DNAH1: variants seen among roughly 807,000 people sequenced by gnomAD.
DNAH1 encodes axonemal beta dynein heavy chain 1.
In DNAH1, 327 loss-of-function variants were observed where a neutral mutation model predicts 484.3. The ratio of observed to expected loss-of-function variants is 0.68; its 90% CI spans 0.62 to 0.74. The LOEUF (loss-of-function observed/expected upper bound fraction) is 0.74. Ranked by LOEUF, DNAH1 falls within the 30% of genes least tolerant of loss-of-function variation. The pLI is 0.00. For synonymous variants in DNAH1, 2,192 were observed against 2,191.9 expected (o/e 1.00, Z 0.00); for missense variants, 5,052 against 5,546.8 (o/e 0.91, Z 2.83).
chr3:52,388,922 C>T lies in DNAH1; in HGVS notation c.9480C>T (p.Tyr3160=), dbSNP rs1704243604. 1 of 1,604,026 alleles carries T rather than the reference C, an allele frequency of 6.2e-7. No homozygotes were observed. The highest frequency in any genetic ancestry group is 1.1e-5 in the South Asian group (1 of 90,358). The change falls in exon 59 of 78, where the codon TAC becomes TAT. Residue 3160 remains tyrosine (Y), a synonymous_variant. Coordinates refer to ENST00000420323, the MANE Select transcript of DNAH1 (RefSeq NM_015512.5). ...TGGTGGCCGCTGGCTTTGTGGCCTA[C>T]CTGGGCCCCTTCACGGTAAGAAGTC... ...DVLVAAGFVA[Y]LGPFTGQYRT... is the part of the protein sequence containing the mutation.
Position 52,384,841 on chromosome 3 carries a change from TG to T in DNAH1, c.8380del (p.Ala2794GlnfsTer3). On this transcript the variant is annotated frameshift_variant, in exon 53 of 78. Transcript: ENST00000420323. LOFTEE classifies it high-confidence loss of function. ...QSVSKKCIEY[L>X]AELTRHNYVT... Reference sequence around the variant, plus strand: ...GTGTCCAAGAAGTGCATCGAGTACCTGGCAGAGCTGACCCGCCACAACTATG... The same window carrying T: ...GTGTCCAAGAAGTGCATCGAGTACCTGCAGAGCTGACCCGCCACAACTATG... The T allele has an allele frequency of 6.2e-7, 1 of 1,603,208 alleles. No homozygotes were observed. Among genetic ancestry groups the T allele is most frequent in the Non-Finnish European group, 8.5e-7 (1 of 1,174,914 alleles).
chr3:52,363,228 T>C (rs1702937779), intron 32 of DNAH1, 84 bp downstream of exon 32: 1 of 1,554,256 alleles, frequency 6.4e-7, no homozygotes, highest in Admixed American at 1.7e-5. Context: ...AGGGCCAGGC[T>C]CTATGCCCGG....
At chr3:52,394,307 G>A (rs956699652) in intron 66 of DNAH1, among the ~76,000 whole-genome samples, 158 bp from the exon 67 acceptor site, 11 of 152,262 alleles carry the variant, frequency 7.2e-5, no homozygotes, top group African/African-American at 2.7e-4. Context: ...GAAAAGGCAG[G>A]GTGGGAACAC....
Position 52,338,955 on chromosome 3 carries a change from A to G in DNAH1, c.1287-5535A>G, listed in dbSNP as rs559807213. On this transcript the variant is annotated intron_variant, in intron 8 of 77. Coordinates refer to ENST00000420323, the MANE Select transcript of DNAH1 (RefSeq NM_015512.5). ...AGGCTGAGGCAGGAGAATTGCTTGAACCTAGGAGGCAGAGCTTGCAGTTAG... is the reference window on the plus strand; with the variant it reads ...AGGCTGAGGCAGGAGAATTGCTTGAGCCTAGGAGGCAGAGCTTGCAGTTAG... Among the ~76,000 whole-genome samples, 5 of 151,670 alleles carry G rather than the reference A, an allele frequency of 3.3e-5. No individual in the cohort carries two copies. In the South Asian group the frequency reaches 8.3e-4, roughly 25 times the overall value.
intron 44 of DNAH1, chr3:52,374,938 T>C (rs1703517979): frequency 1.7e-6 from 1 of 572,808 alleles, no homozygotes; most frequent in Non-Finnish European, 3.0e-6. Flanking sequence ...GAAATGTTTT[T>C]ATAAGATAGG....
At chr3:52,369,301 C>G (rs1002610768) in intron 37 of DNAH1, among the ~76,000 whole-genome samples, 1 of 152,188 alleles carries the variant, frequency 6.6e-6, no homozygotes, top group African/African-American at 2.4e-5. Flanking sequence ...GTGCACCTGG[C>G]CCTGGCAGTA....
chr3:52,383,999 C>G lies in DNAH1; in HGVS notation c.8290C>G (p.Leu2764Val). The G allele has an allele frequency of 6.2e-7, 1 of 1,609,688 alleles. No homozygotes were observed. The highest frequency in any genetic ancestry group is 8.5e-7 in the Non-Finnish European group (1 of 1,177,868). The change falls in exon 52 of 78, where the codon CTG becomes GTG. Residue 2764 changes from leucine to valine, a missense_variant. Coordinates refer to ENST00000420323, the MANE Select transcript of DNAH1 (RefSeq NM_015512.5). Reference sequence around the variant, plus strand: ...CGTGTTCCTCAATGAGATCCCAGAACTGGAATCCTCCCAGGAAGAAATCCA... The same window carrying G: ...CGTGTTCCTCAATGAGATCCCAGAAGTGGAATCCTCCCAGGAAGAAATCCA... Reference protein sequence around the residue: ...ATVFLNEIPELESSQEEIQGL... With the variant: ...ATVFLNEIPEVESSQEEIQGL...
intron 73 of DNAH1, 100 bp downstream of exon 73, chr3:52,397,144 C>T: frequency 1.9e-6 from 2 of 1,079,718 alleles, no homozygotes; most frequent in South Asian, 1.6e-5. Flanking sequence ...ATGCAGCCCC[C>T]ACCCTCCATC....
intron 75 of DNAH1, among the ~76,000 whole-genome samples, 157 bp downstream of exon 75, chr3:52,398,319 G>C (rs182513587): frequency 1.3e-5 from 2 of 152,280 alleles, no homozygotes; most frequent in East Asian, 3.9e-4. Context: ...GTCTCTCTCT[G>C]TTGCCATGCT....
rs1243255957 is a variant in DNAH1, at chr3:52,395,540, C to T, written c.11128-7C>T. On this transcript the variant is annotated splice_region_variant and splice_polypyrimidine_tract_variant and intron_variant, in intron 69 of 77. Coordinates refer to ENST00000420323, the MANE Select transcript of DNAH1 (RefSeq NM_015512.5). The surrounding 1 kb of genome is among the most constrained non-coding windows in gnomAD (Gnocchi z 4.4). Reference sequence around the variant, plus strand: ...TGGCCCCCTGCTCAGTGCTCTTGCCCCTGCAGGGCCCTCGGGCAGAAGCCA... The same window carrying T: ...TGGCCCCCTGCTCAGTGCTCTTGCCTCTGCAGGGCCCTCGGGCAGAAGCCA... 6.2e-7 allele frequency: 1 copy of T among 1,613,384 alleles called. No individual in the cohort carries two copies. The highest frequency in any genetic ancestry group is 1.3e-5 in the African/African-American group (1 of 74,948).
chr3:52,365,045 T>A lies in DNAH1; in HGVS notation c.5518+26T>A, dbSNP rs567147920. 4 of 1,589,016 alleles carry A rather than the reference T, an allele frequency of 2.5e-6. No individual in the cohort carries two copies. The East Asian group carries it at 9.0e-5, about 36-fold the overall frequency. ...GTGAGCCTCGGGCCCTGAGTGTTCG[T>A]GGAGGGGCTGGCCATGGCCACCTTG... On this transcript the variant is annotated intron_variant, in intron 34 of 77. Coordinates refer to ENST00000420323, the MANE Select transcript of DNAH1 (RefSeq NM_015512.5).
chr3:52,325,709 A>G (rs1436257976), intron 3 of DNAH1, among the ~76,000 whole-genome samples: 1 of 152,130 alleles, frequency 6.6e-6, no homozygotes, highest in Non-Finnish European at 1.5e-5. Flanking sequence ...CAAGCTGGCA[A>G]TGGCCTCAGG....
chr3:52,357,012 T>G lies in DNAH1; in HGVS notation c.3858+234T>G, dbSNP rs560979230. On this transcript the variant is annotated intron_variant, in intron 22 of 77. Transcript: ENST00000420323. ...GATCCACAGCCCATATTAACGTTTTTTTTTTGTTTGTCTGTTTTTTTTTTT... is the reference window on the plus strand; with the variant it reads ...GATCCACAGCCCATATTAACGTTTTGTTTTTGTTTGTCTGTTTTTTTTTTT... Among the ~76,000 whole-genome samples, 98 of 152,156 alleles carry G rather than the reference T, an allele frequency of 6.4e-4. 1 individual carries two copies. The highest frequency in any genetic ancestry group is 2.3e-3 in the African/African-American group (94 of 41,540).
At chr3:52,363,788 A>G (rs1219304986) in intron 32 of DNAH1, among the ~76,000 whole-genome samples, 1 of 152,172 alleles carries the variant, frequency 6.6e-6, no homozygotes, top group African/African-American at 2.4e-5. Flanking sequence ...CTCATCCATG[A>G]ACACCAATCA....
Position 52,398,105 on chromosome 3 carries a change from A to T in DNAH1, c.12032A>T (p.Lys4011Met). The change falls in exon 75 of 78, where the codon AAG becomes ATG. Residue 4011 changes from lysine to methionine, a missense_variant. Lys to Met is a moderately conservative substitution (Grantham distance 95, BLOSUM62 -1). Around this residue, in one of 4 missense-constraint regions of DNAH1, gnomAD observed 853 missense variants for 899.0 expected, o/e 0.95. Coordinates refer to ENST00000420323, the MANE Select transcript of DNAH1 (RefSeq NM_015512.5). ...ATCAACTTGCAATGGGTGATGGCCA[A>T]GTACCCAGTGCTGTATGAGGAATCA... is the stretch of plus-strand genomic sequence containing the variant. ...EPINLQWVMA[K>M]YPVLYEESMN... The T allele has an allele frequency of 6.2e-7, 1 of 1,613,922 alleles. No homozygotes were observed. The highest frequency in any genetic ancestry group is 8.5e-7 in the Non-Finnish European group (1 of 1,179,878).
chr3:52,390,863 G>A, intron 60 of DNAH1, 72 bp from the exon 61 acceptor site: 2 of 1,543,380 alleles, frequency 1.3e-6, no homozygotes, highest in Non-Finnish European at 1.8e-6. Context: ...ACGAGGCCGG[G>A]AGATGCTGAT....
intron 56 of DNAH1, among the ~76,000 whole-genome samples, chr3:52,387,574 T>C (rs1704163718): frequency 6.6e-6 from 1 of 152,144 alleles, no homozygotes; most frequent in African/African-American, 2.4e-5. Flanking sequence ...TCCTCTTCCA[T>C]CAGACAGGAA....
Position 52,381,694 on chromosome 3 carries a change from A to G in DNAH1, c.7663A>G (p.Lys2555Glu). The G allele has an allele frequency of 6.2e-7, 1 of 1,608,010 alleles. No homozygotes were observed. Among genetic ancestry groups the G allele is most frequent in the Non-Finnish European group, 8.5e-7 (1 of 1,177,630 alleles). The change falls in exon 49 of 78, where the codon AAG becomes GAG. Residue 2555 changes from lysine (K) to glutamate (E), a missense_variant. Around this residue, in one of 4 missense-constraint regions of DNAH1, gnomAD observed 2,929 missense variants for 3,409.4 expected, o/e 0.86. Transcript: ENST00000420323. The surrounding 1 kb of genome is among the most constrained non-coding windows in gnomAD (Gnocchi z 4.1). ...GGACTACAACCAGATCAACACGGCC[A>G]AGCTGAAGCTGGTCCTCTTCATGGA... ...IEDYNQINTAKLKLVLFMDAM... is the reference protein window; with the variant it reads ...IEDYNQINTAELKLVLFMDAM...
chr3:52,349,563 A>G, intron 14 of DNAH1, 143 bp downstream of exon 14: 1 of 813,422 alleles, frequency 1.2e-6, no homozygotes, highest in Non-Finnish European at 2.0e-6. Flanking sequence ...GGAGCTGGAA[A>G]TCACCCTGCC....
Sources: allele counts gnomAD v4.1 joint callset (sites outside exome capture counted in the v4.1 genomes callset), GRCh38; gene constraint gnomAD v4.1.1; regional missense constraint gnomAD v4.1.1; non-coding constraint Gnocchi (gnomAD v3.1); transcripts MANE v1.5; gene names NCBI Gene and HGNC (gene_info 2026-07-23, HGNC 2026-07-21).